SEC22A: variants seen among roughly 807,000 people sequenced by gnomAD.
SEC22A encodes the protein vesicle-trafficking protein SEC22a.
In SEC22A, 22 loss-of-function variants were observed where a neutral mutation model predicts 35.3. The observed-to-expected ratio is 0.62, with a 90% CI of 0.45 to 0.89. SEC22A has a LOEUF of 0.89. Ranked by LOEUF, SEC22A falls within the 40% of genes least tolerant of loss-of-function variation. SEC22A has a pLI of 0.00. For missense variants in SEC22A, 354 were observed against 362.5 expected, an observed-to-expected ratio of 0.98 and a Z score of 0.19; for synonymous variants, 119 against 129.5, an observed-to-expected ratio of 0.92 and a Z score of 0.55.
intron 2 of SEC22A, among the ~76,000 whole-genome samples, chr3:123,213,372 A>G (rs1335947825): frequency 6.6e-6 from 1 of 152,224 alleles, no homozygotes; most frequent in Non-Finnish European, 1.5e-5. Context: ...TGAGTTTGCT[A>G]GATAAAACTC....
intron 5 of SEC22A, among the ~76,000 whole-genome samples, chr3:123,256,816 G>A (rs1216301132): frequency 6.9e-6 from 1 of 145,792 alleles, no homozygotes; most frequent in Non-Finnish European, 1.5e-5. Context: ...CTGGAGTGCA[G>A]TGGCGCAGTC....
At chr3:123,243,202 A>G (rs1404299070) in intron 4 of SEC22A, among the ~76,000 whole-genome samples, 2 of 134,922 alleles carry the variant, frequency 1.5e-5, no homozygotes, top group Admixed American at 7.9e-5. Flanking sequence ...CTTTGTGCCC[A>G]TGAGCAAATT....
At chr3:123,235,693 A>G (rs1466553069) in intron 4 of SEC22A, among the ~76,000 whole-genome samples, 1 of 152,224 alleles carries the variant, frequency 6.6e-6, no homozygotes, top group Non-Finnish European at 1.5e-5. Flanking sequence ...CCCCGGAGAA[A>G]TGCAAACATA....
At position 123,225,233 on chromosome 3, in the gene SEC22A, G is replaced by A. The variant is rs779120819; in HGVS notation, c.477G>A (p.Gly159=). Residue 159 remains glycine, a synonymous_variant, in exon 4 of 7, where the codon GGG becomes GGA. Transcript: ENST00000492595. ...PPYQISMCEL[G]SANGVTSAFS... is the part of the protein sequence containing the mutation. ...ATCAAATTTCCATGTGCGAACTGGG[G>A]TCAGCCAATGGAGTCACATCAGCAT... 2 of 1,613,778 alleles carry A rather than the reference G, an allele frequency of 1.2e-6. No homozygotes were observed. The highest frequency in any genetic ancestry group is 1.7e-6 in the Non-Finnish European group (2 of 1,179,728).
chr3:123,216,214 G>A (rs1322321025), intron 2 of SEC22A, among the ~76,000 whole-genome samples: 1 of 152,046 alleles, frequency 6.6e-6, no homozygotes, highest in East Asian at 1.9e-4. Context: ...AATAAGCTTT[G>A]GGAAATATAC....
At chr3:123,231,429 AAAAC>A (rs1937323793) in intron 4 of SEC22A, among the ~76,000 whole-genome samples, 2 of 152,234 alleles carry the variant, frequency 1.3e-5, no homozygotes, top group South Asian at 2.1e-4. Flanking sequence ...AACAAAAAGA[AAAAC>A]AAAACCTTCA....
At chr3:123,224,485 G>C (rs1377186800) in intron 3 of SEC22A, among the ~76,000 whole-genome samples, 1 of 152,112 alleles carries the variant, frequency 6.6e-6, no homozygotes, top group Non-Finnish European at 1.5e-5. Context: ...TCATGAGATA[G>C]GAATCTCTAT....
intron 4 of SEC22A, among the ~76,000 whole-genome samples, chr3:123,230,264 C>T (rs759253541): frequency 3.3e-5 from 5 of 152,158 alleles, no homozygotes; most frequent in Admixed American, 6.5e-5. Flanking sequence ...AATATGTTTT[C>T]GCATACAGCA....
Position 123,209,413 on chromosome 3 carries a change from T to G in SEC22A, c.182+14T>G. ...TTATAACATTAAGTAAGACTTCAGT[T>G]TGCTTCATTTGACTCATTTGCCCAG... On this transcript the variant is annotated intron_variant, in intron 2 of 6. Coordinates refer to ENST00000492595, the MANE Select transcript of SEC22A (RefSeq NM_012430.5). 1 of 1,594,428 alleles carries G rather than the reference T, an allele frequency of 6.3e-7. No homozygotes were observed. Among genetic ancestry groups the G allele is most frequent in the Non-Finnish European group, 8.6e-7 (1 of 1,165,472 alleles).
At chr3:123,204,677 A>T (rs891031289) in intron 1 of SEC22A, 2 of 152,184 alleles carry the variant, frequency 1.3e-5, no homozygotes, top group African/African-American at 4.8e-5. Context: ...GTTTACCCAG[A>T]TTTACCTAGA....
intron 5 of SEC22A, among the ~76,000 whole-genome samples, chr3:123,254,805 A>G (rs1937683791): frequency 6.6e-6 from 1 of 151,990 alleles, no homozygotes; most frequent in Non-Finnish European, 1.5e-5. Context: ...ACATATGTAT[A>G]CATGTGCCAT....
At chr3:123,229,904 G>T (rs536261525) in intron 4 of SEC22A, among the ~76,000 whole-genome samples, 28 of 150,846 alleles carry the variant, frequency 1.9e-4, no homozygotes, top group African/African-American at 6.3e-4. Context: ...AATTCTTTAG[G>T]ATGAAAACAA....
At position 123,209,201 on chromosome 3, in the gene SEC22A, C is replaced by G. The variant is rs752102953; in HGVS notation, c.-17C>G. ...CCAAATTGTTCATTTTGTTTTAGGT[C>G]TTCTCTGTTGGTTGAAATGTCTATG... On this transcript the variant is annotated splice_region_variant and 5_prime_UTR_variant, in exon 2 of 7. Coordinates refer to ENST00000492595, the MANE Select transcript of SEC22A (RefSeq NM_012430.5). 6 of 1,612,630 alleles carry G rather than the reference C, an allele frequency of 3.7e-6. No individual in the cohort carries two copies. Among genetic ancestry groups the G allele is most frequent in the African/African-American group, 1.3e-5 (1 of 74,888 alleles).
chr3:123,257,914 C>T (rs1285216079), intron 5 of SEC22A, among the ~76,000 whole-genome samples: 3 of 149,336 alleles, frequency 2.0e-5, no homozygotes, highest in Non-Finnish European at 4.4e-5. Context: ...ATCGCTTGAA[C>T]CTGGGAGGTG....
intron 6 of SEC22A, among the ~76,000 whole-genome samples, chr3:123,267,990 A>G (rs1576506688): frequency 6.6e-6 from 1 of 152,212 alleles, no homozygotes; most frequent in Non-Finnish European, 1.5e-5. Flanking sequence ...GGGTGTCCAG[A>G]GTCCCACGTG....
At chr3:123,229,691 G>A (rs576823601) in intron 4 of SEC22A, among the ~76,000 whole-genome samples, 3 of 151,830 alleles carry the variant, frequency 2.0e-5, no homozygotes, top group South Asian at 2.1e-4. Context: ...GTGAAACCCC[G>A]TCTCTACCTA....
intron 2 of SEC22A, among the ~76,000 whole-genome samples, chr3:123,220,852 C>CT (rs964397042): frequency 3.1e-5 from 3 of 96,714 alleles, no homozygotes; most frequent in African/African-American, 1.0e-4. Context: ...CTAGGATGGT[C>CT]TTTAAAAAAG....
chr3:123,212,832 A>G (rs1350882034), intron 2 of SEC22A, among the ~76,000 whole-genome samples: 1 of 152,164 alleles, frequency 6.6e-6, no homozygotes, highest in Non-Finnish European at 1.5e-5. Flanking sequence ...TAGATAGTCC[A>G]TCCATTTGTT....
chr3:123,259,714 A>G (rs940485084), intron 6 of SEC22A, 125 bp downstream of exon 6: 1 of 719,636 alleles, frequency 1.4e-6, no homozygotes, highest in Non-Finnish European at 2.3e-6. Context: ...TTTTAATTTG[A>G]GCCTCTTTTA....
Sources: gnomAD v4.1 joint callset for allele counts (sites outside exome capture counted in the v4.1 genomes callset) on GRCh38, gnomAD v4.1.1 for gene constraint, MANE v1.5 for transcripts, NCBI Gene and HGNC (gene_info 2026-07-23, HGNC 2026-07-21) for gene names.